ARHGEF2: variants seen among roughly 807,000 people sequenced by gnomAD.
The protein encoded by ARHGEF2 is rho guanine nucleotide exchange factor 2.
A neutral mutation model predicts 121.0 loss-of-function variants in ARHGEF2; 22 were observed. The observed-to-expected ratio is 0.18, with a 90% CI of 0.13 to 0.26. The LOEUF is 0.26. Among genes scored for constraint, ARHGEF2 ranks in the 10% least tolerant of loss-of-function variants. The pLI, the probability that ARHGEF2 is intolerant of heterozygous loss-of-function variation, is 1.00. For synonymous variants in ARHGEF2, 487 were observed against 530.0 expected (o/e 0.92, Z 1.11); for missense variants, 907 against 1,336.0 (o/e 0.68, Z 5.01).
At position 155,954,985 on chromosome 1, in the gene ARHGEF2, G is replaced by A. The variant is rs1558005995; in HGVS notation, c.1716-16C>T. On this transcript the variant is annotated splice_polypyrimidine_tract_variant and intron_variant, in intron 13 of 21. Coordinates refer to ENST00000361247, the MANE Select transcript of ARHGEF2 (RefSeq NM_001162383.2). ...GGATGGGCATCTGGAGGGGTAACAG[G>A]TCGCATGCCATTGAGAGACAGAAGC... 1.2e-6 allele frequency: 2 copies of A among 1,608,204 alleles called. No individual in the cohort carries two copies. Among genetic ancestry groups the A allele is most frequent in the African/African-American group, 1.3e-5 (1 of 74,902 alleles).
rs1553244941 is a variant in ARHGEF2, at chr1:155,964,176, A to ATATATATG, written c.724+811_724+812insCATATATA. On this transcript the variant is annotated intron_variant, in intron 7 of 21. Transcript: ENST00000361247. Reference sequence around the variant, plus strand: ...AAAAAAAAAAAAAAAAAATATATATATATATATATATATATATATATACAT... The same window carrying ATATATATG: ...AAAAAAAAAAAAAAAAAATATATATATATATATGTATATATATATATATATATATACAT... 3.1e-4 allele frequency among the ~76,000 whole-genome samples: 30 copies of ATATATATG among 95,512 alleles called. 1 individual carries two copies. The highest frequency in any genetic ancestry group is 1.2e-3 in the African/African-American group (24 of 19,394). The allele number at this position is 95,512 out of a possible 152,430, so 62.7% of individuals were successfully genotyped here.
Position 155,950,958 on chromosome 1 carries a change from C to A in ARHGEF2, c.2574G>T (p.Arg858Ser), listed in dbSNP as rs752766423. ...LLEREAEEAR[R>S]QLAALGQTEP... ...CGGTCTGGCCCAGGGCGGCCAGCTG[C>A]CTTCGAGCCTCTTCGGCCTCACGCT... is the stretch of plus-strand genomic sequence containing the variant. The change falls in exon 20 of 22, where the codon AGG (arginine) becomes AGT (serine). Residue 858 changes from arginine (R) to serine (S), a missense_variant. This residue lies in a region of ARHGEF2 where 432 missense variants were observed against 559.5 expected (regional missense o/e 0.77). Transcript: ENST00000361247. This position sits in a 1 kb window ranked among gnomAD's most constrained non-coding sequence, Gnocchi z 5.2. 3 of 1,606,854 alleles carry A rather than the reference C, an allele frequency of 1.9e-6. No individual in the cohort carries two copies. Among genetic ancestry groups the A allele is most frequent in the South Asian group, 1.1e-5 (1 of 90,770 alleles).
intron 21 of ARHGEF2, among the ~76,000 whole-genome samples, chr1:155,949,919 AT>A (rs1481273659): frequency 6.6e-6 from 1 of 152,090 alleles, no homozygotes; most frequent in Non-Finnish European, 1.5e-5. Context: ...AAATAAAAAA[AT>A]AAATAAATGA....
rs1481379558 is a variant in ARHGEF2 at position 155,970,625 on chromosome 1, G to A, written c.64-1325C>T. 1.0e-5 allele frequency: 10 copies of A among 985,384 alleles called. No homozygotes were observed. The South Asian group carries it at 1.4e-4, about 14-fold the overall frequency. The allele number at this position is 985,384 out of a possible 1,614,324, so 61.0% of individuals were successfully genotyped here. On this transcript the variant is annotated intron_variant, in intron 1 of 21. Coordinates refer to ENST00000361247, the MANE Select transcript of ARHGEF2 (RefSeq NM_001162383.2). ...CAGTTCAGCGGGAAGCACTCAGCCC[G>A]GACTCTAGGAGACCAGTACTGACTC... is the stretch of plus-strand genomic sequence containing the variant.
chr1:155,962,941 T>C lies in ARHGEF2; in HGVS notation c.967A>G (p.Ile323Val), dbSNP rs763582461. The C allele has an allele frequency of 2.7e-5, 43 of 1,614,146 alleles. No individual in the cohort carries two copies. Among genetic ancestry groups the C allele is most frequent in the Non-Finnish European group, 3.4e-5 (40 of 1,179,992 alleles). Residue 323 changes from isoleucine to valine, a missense_variant, in exon 8 of 22, where the codon ATC becomes GTC. Ile to Val is a conservative substitution (Grantham distance 29). Around this residue, in one of 2 missense-constraint regions of ARHGEF2, gnomAD observed 475 missense variants for 776.5 expected, o/e 0.61. Transcript: ENST00000361247. This position sits in a 1 kb window ranked among gnomAD's most constrained non-coding sequence, Gnocchi z 5.8. ...GTCCTGCCTTTTCCCACCTGGCTGA[T>C]GAGCAGATCACCCAAGCGATGGATG... Reference protein sequence around the residue: ...FVIHRLGDLLISQFSGPSAEQ... With the variant: ...FVIHRLGDLLVSQFSGPSAEQ...
chr1:155,972,479 G>A (rs1262044898), intron 1 of ARHGEF2, among the ~76,000 whole-genome samples: 1 of 152,130 alleles, frequency 6.6e-6, no homozygotes, highest in Non-Finnish European at 1.5e-5. Context: ...GAGTGAGTGG[G>A]CTTGTTTGGT....
Position 155,962,888 on chromosome 1 carries a change from C to T in ARHGEF2, c.975+45G>A, listed in dbSNP as rs780285541. The T allele has an allele frequency of 3.7e-6, 6 of 1,611,470 alleles. No individual in the cohort carries two copies. The highest frequency in any genetic ancestry group is 3.3e-5 in the South Asian group (3 of 90,880). On this transcript the variant is annotated intron_variant, in intron 8 of 21. Transcript: ENST00000361247. This position sits in a 1 kb window ranked among gnomAD's most constrained non-coding sequence, Gnocchi z 5.8. ...ACCCAAGAAATGCCCAACCCAGTCA[C>T]ACCTCCTTCCATGAATGTCACCCAG...
chr1:155,954,815 G>GC, intron 14 of ARHGEF2, 87 bp downstream of exon 14: 1 of 1,281,324 alleles, frequency 7.8e-7, no homozygotes, highest in South Asian at 1.3e-5. Flanking sequence ...CCCTCATAGA[G>GC]CCATCTCATC....
At position 155,951,618 on chromosome 1, in the gene ARHGEF2, A is replaced by G. The variant is rs1384375257; in HGVS notation, c.2209-85T>C. On this transcript the variant is annotated intron_variant, in intron 18 of 21. Coordinates refer to ENST00000361247, the MANE Select transcript of ARHGEF2 (RefSeq NM_001162383.2). The surrounding 1 kb of genome is among the most constrained non-coding windows in gnomAD (Gnocchi z 5.1). The stretch of plus-strand genomic sequence containing the variant: ...GTTGAACAAGGGTGGGTGTGGGGAC[A>G]GTAGGATCCGGAGACATACTTGAAT... 1.2e-6 allele frequency: 2 copies of G among 1,607,758 alleles called. No homozygotes were observed. The highest frequency in any genetic ancestry group is 1.7e-6 in the Non-Finnish European group (2 of 1,174,458).
chr1:155,974,380 C>T (rs1444298710), intron 1 of ARHGEF2, among the ~76,000 whole-genome samples: 1 of 152,186 alleles, frequency 6.6e-6, no homozygotes, highest in African/African-American at 2.4e-5. Context: ...ATTCGAGTCA[C>T]CTGTGGCTCA....
In ARHGEF2 at chr1:155,961,291, T is replaced by C. The variant is rs1281310841; in HGVS notation, c.1468+370A>G. ...GGTTGATTCTTTTTTTTTTTTTTTTTTGAGATGGAGTCTTGCTGTGTCACC... is the reference window on the plus strand; with the variant it reads ...GGTTGATTCTTTTTTTTTTTTTTTTCTGAGATGGAGTCTTGCTGTGTCACC... On this transcript the variant is annotated intron_variant, in intron 11 of 21. Coordinates refer to ENST00000361247, the MANE Select transcript of ARHGEF2 (RefSeq NM_001162383.2). This position sits in a 1 kb window ranked among gnomAD's most constrained non-coding sequence, Gnocchi z 4.7. Among the ~76,000 whole-genome samples the C allele has an allele frequency of 1.3e-5, 2 of 150,974 alleles. No homozygotes were observed. Among genetic ancestry groups the C allele is most frequent in the Admixed American group, 6.6e-5 (1 of 15,170 alleles).
Position 155,970,347 on chromosome 1 carries a change from T to C in ARHGEF2, c.64-1047A>G, listed in dbSNP as rs1478354146. On this transcript the variant is annotated intron_variant, in intron 1 of 21. Transcript: ENST00000361247. ...CTCCCTGACCTCCAATCTGTCCCTC[T>C]TCAAGCCCCTGTGATTCCCAAAAAG... The C allele has an allele frequency of 4.1e-6, 4 of 985,438 alleles. No homozygotes were observed. The African/African-American group carries it at 7.0e-5, about 17-fold the overall frequency. The allele number at this position is 985,438 out of a possible 1,614,324, so 61.0% of individuals were successfully genotyped here. A position where few individuals can be genotyped will look rare whatever the true frequency, so the allele number is the denominator to read the frequency against.
At position 155,964,180 on chromosome 1, in the gene ARHGEF2, A is replaced by ATATG. The variant is rs1553245007; in HGVS notation, c.724+807_724+808insCATA. Among the ~76,000 whole-genome samples, 106 of 101,564 alleles carry ATATG rather than the reference A, an allele frequency of 1.0e-3. 1 individual carries two copies. The South Asian group carries it at 0.032, about 31-fold the overall frequency. 66.6% of individuals were successfully genotyped at this position (101,564 alleles called of 152,430 possible). A position where few individuals can be genotyped will look rare whatever the true frequency, so the allele number is the denominator to read the frequency against. ...AAAAAAAAAAAAAATATATATATAT[A>ATATG]TATATATATATATATATACATATAT... On this transcript the variant is annotated intron_variant, in intron 7 of 21. Coordinates refer to ENST00000361247, the MANE Select transcript of ARHGEF2 (RefSeq NM_001162383.2).
chr1:155,972,294 C>A (rs977542633), intron 1 of ARHGEF2: 2 of 464,134 alleles, frequency 4.3e-6, no homozygotes, highest in African/African-American at 2.0e-5. Flanking sequence ...GGGCCAGCAG[C>A]GGGCAGCAGC....
chr1:155,969,505 C>T, intron 1 of ARHGEF2: 1 of 1,412,136 alleles, frequency 7.1e-7, no homozygotes, highest in Non-Finnish European at 9.2e-7. Context: ...GGGCAGCCAG[C>T]CCGGATGGGT....
At chr1:155,972,721 A>G (rs1222862086) in intron 1 of ARHGEF2, among the ~76,000 whole-genome samples, 1 of 142,430 alleles carries the variant, frequency 7.0e-6, no homozygotes, top group Non-Finnish European at 1.5e-5. Flanking sequence ...TTTTTTTTTG[A>G]GACAGGGTCT....
intron 13 of ARHGEF2, among the ~76,000 whole-genome samples, chr1:155,956,887 CAAAAAAA>C (rs34831517): frequency 1.4e-4 from 11 of 80,432 alleles, no homozygotes; most frequent in Admixed American, 3.0e-4. Context: ...ACTCTGTCTC[CAAAAAAA>C]AAAAAAAAAA....
At chr1:155,956,341 T>C (rs1451565852) in intron 13 of ARHGEF2, among the ~76,000 whole-genome samples, 3 of 151,248 alleles carry the variant, frequency 2.0e-5, no homozygotes, top group Admixed American at 2.0e-4. Context: ...TCAAGTGATC[T>C]ACCCGCCTCA....
intron 14 of ARHGEF2, among the ~76,000 whole-genome samples, chr1:155,954,462 T>C (rs1676234670): frequency 6.8e-6 from 1 of 146,328 alleles, no homozygotes; most frequent in African/African-American, 2.5e-5. Flanking sequence ...TTTTTTTTTG[T>C]ATTTTTTAGT....
Sources: allele counts gnomAD v4.1 joint callset (sites outside exome capture counted in the v4.1 genomes callset), GRCh38; gene constraint gnomAD v4.1.1; regional missense constraint gnomAD v4.1.1; non-coding constraint Gnocchi (gnomAD v3.1); transcripts MANE v1.5; gene names NCBI Gene and HGNC (gene_info 2026-07-23, HGNC 2026-07-21).